Variants in KCNJ6 observed in about 807,000 individuals in gnomAD.
KCNJ6 encodes G protein-activated inward rectifier potassium channel 2.
Under a neutral mutation model 34.2 loss-of-function variants are expected in KCNJ6, and 9 were observed. That is an observed-to-expected ratio of 0.26 (90% CI 0.16 to 0.46). The LOEUF (loss-of-function observed/expected upper bound fraction) is 0.46, where lower values mean the gene tolerates loss of function less well. Among genes scored for constraint, KCNJ6 ranks in the 20% least tolerant of loss-of-function variants. The probability of loss-of-function intolerance (pLI) is 1.00; values close to 1 mark genes in which losing one functional copy is unlikely to be tolerated. For missense variants in KCNJ6, 236 were observed against 531.3 expected (o/e 0.44, Z 5.46); for synonymous variants, 196 against 207.1 (o/e 0.95, Z 0.46).
At chr21:37,860,113 C>A (rs1311344696) in intron 1 of KCNJ6, among the ~76,000 whole-genome samples, 1 of 152,168 alleles carries the variant, frequency 6.6e-6, no homozygotes, top group Non-Finnish European at 1.5e-5. Context: ...CATCTTTGCT[C>A]CTGTTCTTCC....
intron 2 of KCNJ6, among the ~76,000 whole-genome samples, chr21:37,782,391 A>G (rs1001699256): frequency 6.6e-6 from 1 of 152,178 alleles, no homozygotes; most frequent in Admixed American, 6.5e-5. Context: ...GTACACACAT[A>G]ATATATAAAC....
intron 3 of KCNJ6, among the ~76,000 whole-genome samples, chr21:37,680,519 T>C (rs922385530): frequency 6.6e-6 from 1 of 152,172 alleles, no homozygotes; most frequent in Non-Finnish European, 1.5e-5. Context: ...GATACTTCCG[T>C]GAGAGTGGTT....
intron 1 of KCNJ6, among the ~76,000 whole-genome samples, chr21:37,862,040 C>T (rs2055597189): frequency 6.6e-6 from 1 of 152,210 alleles, no homozygotes; most frequent in Non-Finnish European, 1.5e-5. Context: ...ATGTCTATCT[C>T]GTTCCTTGGC....
chr21:37,893,927 A>ACC (rs1186114537), intron 1 of KCNJ6, among the ~76,000 whole-genome samples: 1 of 152,178 alleles, frequency 6.6e-6, no homozygotes, highest in African/African-American at 2.4e-5. Flanking sequence ...ACCCTGCTCA[A>ACC]TTCTGGCCTC....
Position 37,625,288 on chromosome 21 carries a change from C to T in KCNJ6, c.1143G>A (p.Leu381=). 6.2e-7 allele frequency: 1 copy of T among 1,614,236 alleles called. No individual in the cohort carries two copies. The highest frequency in any genetic ancestry group is 8.5e-7 in the Non-Finnish European group (1 of 1,180,040). The part of the protein sequence containing the change: ...AELASRAELP[L]SWSVSSKLNQ... ...TGAGTTTGCTGGATACAGACCAACT[C>T]AGGGGCAGCTCTGCCCTGCTGGCTA... The change falls in exon 4 of 4, where the codon CTG becomes CTA. Residue 381 remains leucine, a synonymous_variant. Transcript: ENST00000609713.
chr21:37,834,973 T>G (rs748812618), intron 2 of KCNJ6, among the ~76,000 whole-genome samples: 3 of 152,144 alleles, frequency 2.0e-5, no homozygotes, highest in Non-Finnish European at 4.4e-5. Flanking sequence ...TGTGGATGTG[T>G]TATGGTGGTG....
intron 2 of KCNJ6, among the ~76,000 whole-genome samples, chr21:37,834,093 C>T (rs994548720): frequency 5.9e-5 from 9 of 152,226 alleles, no homozygotes; most frequent in African/African-American, 1.7e-4. Flanking sequence ...ATGTGGTGTG[C>T]CAGCTCCTGG....
Position 37,618,971 on chromosome 21 carries a change from G to C in KCNJ6, c.*6188C>G, listed in dbSNP as rs1328180361. 1 of 152,188 alleles carries C rather than the reference G, an allele frequency of 6.6e-6. No homozygotes were observed. Among genetic ancestry groups the C allele is most frequent in the East Asian group, 1.9e-4 (1 of 5,190 alleles). 9.4% of individuals were successfully genotyped at this position (152,188 alleles called of 1,614,324 possible). ...TTTGAGATTTGTTTCCTCCCACTTA[G>C]TTGTTTCCTCCCACTCTTCCATGCA... On this transcript the variant is annotated 3_prime_UTR_variant, in exon 4 of 4. Coordinates refer to ENST00000609713, the MANE Select transcript of KCNJ6 (RefSeq NM_002240.5).
At position 37,612,916 on chromosome 21, in the gene KCNJ6, T is replaced by C. The variant is rs1258258675; in HGVS notation, c.*12243A>G. ...TTTAGATAGAACACCAAAGACATGA[T>C]CATGAAAGAAGTAAATGATAAGCTG... On this transcript the variant is annotated 3_prime_UTR_variant, in exon 4 of 4. Transcript: ENST00000609713. 6.6e-6 allele frequency: 1 copy of C among 151,894 alleles called. No individual in the cohort carries two copies. Among genetic ancestry groups the C allele is most frequent in the East Asian group, 1.9e-4 (1 of 5,174 alleles). The allele number at this position is 151,894 out of a possible 1,614,324, so 9.4% of individuals were successfully genotyped here.
chr21:37,669,764 G>A (rs1039118949), intron 3 of KCNJ6, among the ~76,000 whole-genome samples: 5 of 152,014 alleles, frequency 3.3e-5, no homozygotes, highest in Non-Finnish European at 7.4e-5. Context: ...TGGTTAAGAT[G>A]GATATTCAAA....
At chr21:37,866,700 C>T (rs2123608147) in intron 1 of KCNJ6, among the ~76,000 whole-genome samples, 1 of 152,280 alleles carries the variant, frequency 6.6e-6, no homozygotes, top group East Asian at 1.9e-4. Context: ...CACGAAACAG[C>T]ACTTCAGCCA....
At chr21:37,737,971 C>G (rs2054921779) in intron 2 of KCNJ6, among the ~76,000 whole-genome samples, 1 of 152,190 alleles carries the variant, frequency 6.6e-6, no homozygotes, top group Admixed American at 6.5e-5. Context: ...TCAAACCATG[C>G]TCTGCACCTG....
At chr21:37,859,208 C>T (rs983632056) in intron 1 of KCNJ6, among the ~76,000 whole-genome samples, 9 of 151,266 alleles carry the variant, frequency 5.9e-5, no homozygotes, top group Non-Finnish European at 2.9e-5. Context: ...GGAAAAATTC[C>T]CAAGATACAT....
At chr21:37,822,250 A>G (rs2055376346) in intron 2 of KCNJ6, among the ~76,000 whole-genome samples, 1 of 152,150 alleles carries the variant, frequency 6.6e-6, no homozygotes, top group Admixed American at 6.5e-5. Context: ...CACAATGAAG[A>G]GTGGGTCGTG....
rs1372966261 is a variant in KCNJ6, at chr21:37,614,345, T to A, written c.*10814A>T. 1 of 150,236 alleles carries A rather than the reference T, an allele frequency of 6.7e-6. No homozygotes were observed. The highest frequency in any genetic ancestry group is 1.5e-5 in the Non-Finnish European group (1 of 67,820). The allele number at this position is 150,236 out of a possible 1,614,324, so 9.3% of individuals were successfully genotyped here. A position where few individuals can be genotyped will look rare whatever the true frequency, so the allele number is the denominator to read the frequency against. On this transcript the variant is annotated 3_prime_UTR_variant, in exon 4 of 4. Coordinates refer to ENST00000609713, the MANE Select transcript of KCNJ6 (RefSeq NM_002240.5). ...CTTTTGTGGTGTCACTCATAACTGA[T>A]TGGAAAGGATAAGAGTGTGTGTGTG...
chr21:37,620,708 A>G lies in KCNJ6; in HGVS notation c.*4451T>C, dbSNP rs900651932. ...GTTTTCCCTCTATAAAATGTAAATT[A>G]TAATACTCAACCTCTCATGGTGAAT... On this transcript the variant is annotated 3_prime_UTR_variant, in exon 4 of 4. Transcript: ENST00000609713. 2 of 152,246 alleles carry G rather than the reference A, an allele frequency of 1.3e-5. No homozygotes were observed. Among genetic ancestry groups the G allele is most frequent in the African/African-American group, 4.8e-5 (2 of 41,462 alleles). The allele number at this position is 152,246 out of a possible 1,614,324, so 9.4% of individuals were successfully genotyped here. A position where few individuals can be genotyped will look rare whatever the true frequency, so the allele number is the denominator to read the frequency against.
chr21:37,720,285 T>C (rs538636120), intron 2 of KCNJ6, among the ~76,000 whole-genome samples: 31 of 152,296 alleles, frequency 2.0e-4, no homozygotes, highest in Middle Eastern at 3.4e-3. Flanking sequence ...AAGCACTTGA[T>C]CTGAAGGTAT....
At chr21:37,827,525 G>GTT (rs141210365) in intron 2 of KCNJ6, among the ~76,000 whole-genome samples, 4 of 148,832 alleles carry the variant, frequency 2.7e-5, no homozygotes, top group African/African-American at 4.9e-5. Flanking sequence ...TAACCCTTGG[G>GTT]TTTTTTTTTT....
intron 2 of KCNJ6, among the ~76,000 whole-genome samples, chr21:37,739,413 G>C (rs1229505268): frequency 2.0e-5 from 3 of 152,162 alleles, no homozygotes; most frequent in Non-Finnish European, 4.4e-5. Flanking sequence ...TAAGTCAGAA[G>C]AAAAGGGCTG....
Sources: gnomAD v4.1 joint callset for allele counts (sites outside exome capture counted in the v4.1 genomes callset) on GRCh38, gnomAD v4.1.1 for gene constraint, MANE v1.5 for transcripts, NCBI Gene and HGNC (gene_info 2026-07-23, HGNC 2026-07-21) for gene names.